The following TEX2 variants were observed in gnomAD, a reference collection of about 807,000 sequenced individuals.
TEX2 encodes the protein testis-expressed protein 2.
TEX2 carries 53 observed loss-of-function variants against 106.9 expected under a neutral mutation model. The observed-to-expected ratio is 0.50, with a 90% CI of 0.40 to 0.62. The LOEUF (loss-of-function observed/expected upper bound fraction) is 0.62, where lower values mean the gene tolerates loss of function less well. TEX2 is among the 20% of genes least tolerant of loss of function. The probability of loss-of-function intolerance (pLI) is 0.00; values close to 1 mark genes in which losing one functional copy is unlikely to be tolerated. For synonymous variants in TEX2, 523 were observed against 534.8 expected (o/e 0.98, Z 0.30); for missense variants, 1,207 against 1,379.0 (o/e 0.88, Z 1.98).
At chr17:64,253,429 T>C (rs1355047301) in intron 1 of TEX2, among the ~76,000 whole-genome samples, 2 of 150,988 alleles carry the variant, frequency 1.3e-5, no homozygotes, top group African/African-American at 4.9e-5. Flanking sequence ...CCTCCCCAAG[T>C]GTTGAGATTA....
At chr17:64,172,653 C>T (rs1023915621) in intron 6 of TEX2, among the ~76,000 whole-genome samples, 1 of 152,208 alleles carries the variant, frequency 6.6e-6, no homozygotes, top group African/African-American at 2.4e-5. Flanking sequence ...CTTGCCTTTG[C>T]TGCTCCAGAG....
At chr17:64,220,964 A>G (rs2033342877) in intron 1 of TEX2, among the ~76,000 whole-genome samples, 1 of 152,236 alleles carries the variant, frequency 6.6e-6, no homozygotes, top group African/African-American at 2.4e-5. Flanking sequence ...ATGCCCATCA[A>G]TGATAGACTG....
At chr17:64,187,767 C>T (rs926512718) in intron 5 of TEX2, among the ~76,000 whole-genome samples, 4 of 152,174 alleles carry the variant, frequency 2.6e-5, no homozygotes, top group Admixed American at 1.3e-4. Context: ...GTGCTCCTCC[C>T]ACACCCATCA....
intron 6 of TEX2, among the ~76,000 whole-genome samples, chr17:64,174,774 C>A (rs1419641255): frequency 6.6e-6 from 1 of 152,224 alleles, no homozygotes; most frequent in African/African-American, 2.4e-5. Flanking sequence ...CCACTGAGGG[C>A]CCTAGGGCGG....
intron 2 of TEX2, 24 bp downstream of exon 2, chr17:64,212,550 G>C: frequency 6.3e-7 from 1 of 1,591,390 alleles, no homozygotes; most frequent in Non-Finnish European, 8.6e-7. Flanking sequence ...GTGTGTACTA[G>C]CCAGCTCCCG....
intron 2 of TEX2, among the ~76,000 whole-genome samples, chr17:64,207,803 G>A (rs527327915): frequency 1.3e-5 from 2 of 150,854 alleles, no homozygotes; most frequent in African/African-American, 4.9e-5. Context: ...TGGTGCGATC[G>A]CAGCTCACTG....
rs2033043772 is a variant in TEX2, at chr17:64,212,743, G to T, written c.1475C>A (p.Pro492His). The T allele has an allele frequency of 6.2e-7, 1 of 1,614,042 alleles. No individual in the cohort carries two copies. The highest frequency in any genetic ancestry group is 8.5e-7 in the Non-Finnish European group (1 of 1,180,034). Residue 492 changes from proline to histidine, a missense_variant, in exon 2 of 12, where the codon CCC (proline) becomes CAC (histidine). This residue lies in a region of TEX2 where 1,067 missense variants were observed against 1,193.6 expected (regional missense o/e 0.89). Coordinates refer to ENST00000584379, the MANE Select transcript of TEX2 (RefSeq NM_001288732.2). ...CVYVYLILPL[P>H]HYVSGLFLGI... is the part of the protein sequence containing the mutation. ...CAGAAAGAGTCCACTCACATAGTGG[G>T]GGAGGGGGAGGATGAGGTACACATA...
chr17:64,183,031 G>A lies in TEX2; in HGVS notation c.2424+5137C>T, dbSNP rs1257168160. 4.0e-5 allele frequency among the ~76,000 whole-genome samples: 6 copies of A among 150,962 alleles called. No individual in the cohort carries two copies. The East Asian group carries it at 7.9e-4, about 20-fold the overall frequency. On this transcript the variant is annotated intron_variant, in intron 5 of 11. Coordinates refer to ENST00000584379, the MANE Select transcript of TEX2 (RefSeq NM_001288732.2). The stretch of plus-strand genomic sequence containing the variant: ...AGCCATTCTTGTGCCTCAGCCTCCC[G>A]AGTAGCTGGGACTACAGGCGTGCAC...
At chr17:64,247,887 C>T (rs1450974380) in intron 1 of TEX2, among the ~76,000 whole-genome samples, 1 of 152,170 alleles carries the variant, frequency 6.6e-6, no homozygotes, top group Admixed American at 6.5e-5. Flanking sequence ...TTCCCCCTCC[C>T]CAAGATTAAA....
chr17:64,224,805 T>C (rs1303504613), intron 1 of TEX2, among the ~76,000 whole-genome samples: 1 of 151,946 alleles, frequency 6.6e-6, no homozygotes, highest in Non-Finnish European at 1.5e-5. Context: ...TCAATACAAT[T>C]AGAATTTTGC....
Position 64,213,318 on chromosome 17 carries a change from C to T in TEX2, c.900G>A (p.Glu300=). 1 of 1,614,062 alleles carries T rather than the reference C, an allele frequency of 6.2e-7. No individual in the cohort carries two copies. The highest frequency in any genetic ancestry group is 8.5e-7 in the Non-Finnish European group (1 of 1,180,046). The part of the protein sequence containing the change: ...TKRRLSEVIY[E]PFQLLSKIIG... Reference sequence around the variant, plus strand: ...TAATTTTACTAAGGAGCTGAAAAGGCTCATAGATGACTTCTGAAAGGCGTC... The same window carrying T: ...TAATTTTACTAAGGAGCTGAAAAGGTTCATAGATGACTTCTGAAAGGCGTC... The change falls in exon 2 of 12, where the codon GAG becomes GAA. Residue 300 remains glutamate, a synonymous_variant. Coordinates refer to ENST00000584379, the MANE Select transcript of TEX2 (RefSeq NM_001288732.2). This position sits in a 1 kb window ranked among gnomAD's most constrained non-coding sequence, Gnocchi z 4.4.
chr17:64,218,324 G>A (rs1555632870), intron 1 of TEX2, among the ~76,000 whole-genome samples: 1 of 151,370 alleles, frequency 6.6e-6, no homozygotes, highest in Non-Finnish European at 1.5e-5. Context: ...AAAGAAAACA[G>A]GAACCCCGAG....
At chr17:64,200,469 G>A (rs1239506485) in intron 2 of TEX2, among the ~76,000 whole-genome samples, 1 of 152,216 alleles carries the variant, frequency 6.6e-6, no homozygotes, top group Non-Finnish European at 1.5e-5. Flanking sequence ...CTTAGCTGAA[G>A]AACAGCCACT....
chr17:64,210,134 C>G (rs1025029433), intron 2 of TEX2, among the ~76,000 whole-genome samples: 2 of 152,172 alleles, frequency 1.3e-5, no homozygotes, highest in Admixed American at 6.5e-5. Flanking sequence ...AAAGTTAGCA[C>G]GAACTTACTT....
chr17:64,211,302 A>G (rs1219229603), intron 2 of TEX2, among the ~76,000 whole-genome samples: 1 of 152,002 alleles, frequency 6.6e-6, no homozygotes, highest in African/African-American at 2.4e-5. Context: ...GACAATGACC[A>G]CCTCTCTCAG....
rs910591460 is a variant in TEX2, at chr17:64,148,799, C to G, written c.*170G>C. 4.1e-6 allele frequency: 3 copies of G among 735,514 alleles called. No individual in the cohort carries two copies. Among genetic ancestry groups the G allele is most frequent in the African/African-American group, 1.8e-5 (1 of 55,378 alleles). The allele number at this position is 735,514 out of a possible 1,614,324, so 45.6% of individuals were successfully genotyped here. ...CAATCCAGACAGTTGTCACTAGATG[C>G]AGGGAATGACACCTCACAGTGGAAT... is the stretch of plus-strand genomic sequence containing the variant. On this transcript the variant is annotated 3_prime_UTR_variant, in exon 12 of 12. Coordinates refer to ENST00000584379, the MANE Select transcript of TEX2 (RefSeq NM_001288732.2).
intron 6 of TEX2, among the ~76,000 whole-genome samples, chr17:64,174,906 C>T (rs1403144147): frequency 6.6e-6 from 1 of 152,182 alleles, no homozygotes; most frequent in Non-Finnish European, 1.5e-5. Context: ...CAACATGAGT[C>T]ATGATCATGT....
rs1199682096 is a variant in TEX2, at chr17:64,223,618, G to C, written c.-25-9376C>G. On this transcript the variant is annotated intron_variant, in intron 1 of 11. Transcript: ENST00000584379. ...GAGGAAATACTGGAGGAAAGAATGAGAGACAGGGTAAGGCAGGGAGGGAAG... is the reference window on the plus strand; with the variant it reads ...GAGGAAATACTGGAGGAAAGAATGACAGACAGGGTAAGGCAGGGAGGGAAG... 4.0e-5 allele frequency among the ~76,000 whole-genome samples: 6 copies of C among 151,496 alleles called. No individual in the cohort carries two copies. In the East Asian group the frequency reaches 1.2e-3, roughly 29 times the overall value.
intron 1 of TEX2, among the ~76,000 whole-genome samples, chr17:64,233,899 T>C (rs1018035583): frequency 7.2e-5 from 11 of 152,322 alleles, no homozygotes; most frequent in African/African-American, 2.6e-4. Flanking sequence ...TACACATGCC[T>C]GTACTGTTTG....
Sources: allele counts gnomAD v4.1 joint callset (sites outside exome capture counted in the v4.1 genomes callset), GRCh38; gene constraint gnomAD v4.1.1; regional missense constraint gnomAD v4.1.1; non-coding constraint Gnocchi (gnomAD v3.1); transcripts MANE v1.5; gene names NCBI Gene and HGNC (gene_info 2026-07-23, HGNC 2026-07-21).